The following PTPRU variants were observed in gnomAD, a reference collection of about 807,000 sequenced individuals.
The protein encoded by PTPRU is receptor-type tyrosine-protein phosphatase U.
Under a neutral mutation model 166.3 loss-of-function variants are expected in PTPRU, and 69 were observed. That is an observed-to-expected ratio of 0.41 (90% CI 0.34 to 0.51). PTPRU has a LOEUF of 0.51. Ranked by LOEUF, PTPRU falls within the 20% of genes least tolerant of loss-of-function variation. The pLI is 0.09. For missense variants in PTPRU, 1,657 were observed against 2,013.7 expected (o/e 0.82, Z 3.39); for synonymous variants, 793 against 814.0 (o/e 0.97, Z 0.44).
At chr1:29,254,503 T>C (rs1446428379) in intron 1 of PTPRU, among the ~76,000 whole-genome samples, 1 of 152,242 alleles carries the variant, frequency 6.6e-6, no homozygotes, top group Admixed American at 6.5e-5. Context: ...ACTGTGCTTT[T>C]GCATGTCACA....
chr1:29,308,959 G>A (rs578052185), intron 18 of PTPRU, among the ~76,000 whole-genome samples: 32 of 152,308 alleles, frequency 2.1e-4, no homozygotes, highest in African/African-American at 7.2e-4. Flanking sequence ...AGCACTGGAG[G>A]TCGAGGCTGC....
intron 5 of PTPRU, 106 bp from the exon 6 acceptor site, chr1:29,259,764 A>G: frequency 2.3e-6 from 3 of 1,295,044 alleles, no homozygotes; most frequent in Non-Finnish European, 3.1e-6. Context: ...CCAGGAACCT[A>G]TGTCCGCGCG....
intron 12 of PTPRU, among the ~76,000 whole-genome samples, chr1:29,283,338 T>C: frequency 8.0e-6 from 1 of 124,250 alleles, no homozygotes; most frequent in Admixed American, 8.5e-5. Context: ...TCCCCCATGG[T>C]CCCACCCCTC....
chr1:29,305,224 G>A (rs1687331859), intron 17 of PTPRU, 128 bp from the exon 18 acceptor site: 1 of 837,538 alleles, frequency 1.2e-6, no homozygotes, highest in Admixed American at 2.0e-5. Context: ...CTACTGGTAA[G>A]CCCTGAGACT....
At chr1:29,274,331 G>A (rs1448860274) in intron 7 of PTPRU, among the ~76,000 whole-genome samples, 4 of 152,152 alleles carry the variant, frequency 2.6e-5, no homozygotes, top group South Asian at 2.1e-4. Flanking sequence ...GAGCCACCAC[G>A]CCTGGTCGAG....
intron 15 of PTPRU, 30 bp from the exon 16 acceptor site, chr1:29,303,825 A>T (rs1410706166): frequency 6.3e-7 from 1 of 1,576,044 alleles, no homozygotes; most frequent in South Asian, 1.1e-5. Flanking sequence ...CATGTGTGTC[A>T]AGAACCCTTT....
rs1683784197 is a variant in PTPRU at position 29,236,753 on chromosome 1, C to T, written c.73+36C>T. The T allele has an allele frequency of 1.0e-5, 14 of 1,392,410 alleles. No individual in the cohort carries two copies. The highest frequency in any genetic ancestry group is 2.9e-5 in the East Asian group (1 of 34,416). The allele number at this position is 1,392,410 out of a possible 1,614,324, so 86.3% of individuals were successfully genotyped here. On this transcript the variant is annotated intron_variant, in intron 1 of 29. Transcript: ENST00000373779. This position sits in a 1 kb window ranked among gnomAD's most constrained non-coding sequence, Gnocchi z 4.6. ...GGCGGCCGGACCGAGCCTGCCCCGC[C>T]GAGCCTCGGGGCCCGTGGCGTAGCT... is the stretch of plus-strand genomic sequence containing the variant.
chr1:29,323,620 C>T lies in PTPRU; in HGVS notation c.3955-11C>T. ...CTCATGTCCTCCCTGGCTGGCTGCC[C>T]CTGTCCCCAGTTGCAGGAGGGGCAC... On this transcript the variant is annotated splice_polypyrimidine_tract_variant and intron_variant, in intron 27 of 29. Transcript: ENST00000373779. 6.2e-7 allele frequency: 1 copy of T among 1,613,812 alleles called. No homozygotes were observed. The highest frequency in any genetic ancestry group is 8.5e-7 in the Non-Finnish European group (1 of 1,179,850).
At chr1:29,319,932 C>G (rs920791021) in intron 25 of PTPRU, among the ~76,000 whole-genome samples, 2 of 152,148 alleles carry the variant, frequency 1.3e-5, no homozygotes, top group African/African-American at 2.4e-5. Context: ...TGCCAGCCCC[C>G]CTGGCAGGAC....
At chr1:29,312,163 T>C (rs1687695299) in intron 21 of PTPRU, among the ~76,000 whole-genome samples, 1 of 152,218 alleles carries the variant, frequency 6.6e-6, no homozygotes, top group African/African-American at 2.4e-5. Context: ...ACGATCCCAT[T>C]TGATCTGCTC....
At chr1:29,289,829 C>A in intron 14 of PTPRU, 2 of 1,202,644 alleles carry the variant, frequency 1.7e-6, no homozygotes, top group Non-Finnish European at 1.2e-6. Context: ...GGTGTCCACC[C>A]GGTTCTCTCT....
chr1:29,273,295 G>A (rs556407173), intron 7 of PTPRU, among the ~76,000 whole-genome samples: 12 of 152,232 alleles, frequency 7.9e-5, no homozygotes, highest in Admixed American at 5.2e-4. Context: ...TCGAGACAGC[G>A]TCTCACTGTG....
At position 29,238,020 on chromosome 1, in the gene PTPRU, C is replaced by G. The variant is rs1368687614; in HGVS notation, c.73+1303C>G. ...CTCCCGGGACACTCCCTTGGTGGAG[C>G]CTGCAACTTTGTGCGGCCTCCCGGC... On this transcript the variant is annotated intron_variant, in intron 1 of 29. Coordinates refer to ENST00000373779, the MANE Select transcript of PTPRU (RefSeq NM_133178.4). The surrounding 1 kb of genome is among the most constrained non-coding windows in gnomAD (Gnocchi z 6.1). Among the ~76,000 whole-genome samples, 3 of 151,260 alleles carry G rather than the reference C, an allele frequency of 2.0e-5. No individual in the cohort carries two copies.
intron 1 of PTPRU, among the ~76,000 whole-genome samples, chr1:29,253,862 T>G (rs1257901384): frequency 6.6e-6 from 1 of 152,058 alleles, no homozygotes; most frequent in Non-Finnish European, 1.5e-5. Context: ...TCCTGAGTGC[T>G]TAAGTATGCT....
chr1:29,267,883 A>G (rs1222503541), intron 7 of PTPRU, among the ~76,000 whole-genome samples: 1 of 152,224 alleles, frequency 6.6e-6, no homozygotes, highest in East Asian at 1.9e-4. Context: ...AGAGGTGGTG[A>G]TGGCTGGGAG....
In PTPRU at chr1:29,304,840, A is replaced by ATGCC. The variant is rs752253970; in HGVS notation, c.2741_2743+1dup. The ATGCC allele has an allele frequency of 6.2e-7, 1 of 1,610,246 alleles. No homozygotes were observed. ...GGTCAAGGGCAGCCGGCAGGAGCCAATGCCTGCCTGTGAGTCCTGGGGAAG... is the reference window on the plus strand; with the variant it reads ...GGTCAAGGGCAGCCGGCAGGAGCCAATGCCTGCCTGCCTGTGAGTCCTGGGGAAG... On this transcript the variant is annotated frameshift_variant, in exon 17 of 30. Transcript: ENST00000373779. LOFTEE classifies it high-confidence loss of function.
chr1:29,292,634 TTC>T (rs1185175091), intron 15 of PTPRU, among the ~76,000 whole-genome samples: 1 of 151,098 alleles, frequency 6.6e-6, no homozygotes, highest in African/African-American at 2.4e-5. Flanking sequence ...CATCTTTTTA[TTC>T]TGTTTAGTGT....
intron 1 of PTPRU, among the ~76,000 whole-genome samples, chr1:29,242,841 T>C (rs1684116616): frequency 6.6e-6 from 1 of 152,036 alleles, no homozygotes; most frequent in Admixed American, 6.6e-5. Context: ...TTGCCTGGAC[T>C]ATTGCAGTAG....
rs1687872140 is a variant in PTPRU at position 29,315,683 on chromosome 1, G to A, written c.3363+176G>A. Among the ~76,000 whole-genome samples the A allele has an allele frequency of 6.6e-6, 1 of 152,198 alleles. No individual in the cohort carries two copies. ...TAGGGTCATCCTGAACTGCTCCCCTGTGTTCTGTTGGGTGGGGTCAGACAA... is the reference window on the plus strand; with the variant it reads ...TAGGGTCATCCTGAACTGCTCCCCTATGTTCTGTTGGGTGGGGTCAGACAA... On this transcript the variant is annotated intron_variant, in intron 23 of 29. Transcript: ENST00000373779. This position sits in a 1 kb window ranked among gnomAD's most constrained non-coding sequence, Gnocchi z 4.5.
Sources: gnomAD v4.1 joint callset for allele counts (sites outside exome capture counted in the v4.1 genomes callset) on GRCh38, gnomAD v4.1.1 for gene constraint, Gnocchi (gnomAD v3.1) non-coding constraint, MANE v1.5 for transcripts, NCBI Gene and HGNC (gene_info 2026-07-23, HGNC 2026-07-21) for gene names.